NEGR1: variants seen among roughly 807,000 people sequenced by gnomAD.
NEGR1 encodes the protein neuronal growth regulator 1, also known as IgLON family member 4.
Under a neutral mutation model 40.9 loss-of-function variants are expected in NEGR1, and 10 were observed. The observed-to-expected ratio is 0.24, with a 90% CI of 0.15 to 0.42. The LOEUF (loss-of-function observed/expected upper bound fraction) is 0.42. Among genes scored for constraint, NEGR1 ranks in the 10% least tolerant of loss-of-function variants. The pLI is 1.00. For synonymous variants in NEGR1, 185 were observed against 166.8 expected (o/e 1.11, Z -0.84); for missense variants, 352 against 438.9 (o/e 0.80, Z 1.77).
intron 1 of NEGR1, among the ~76,000 whole-genome samples, chr1:72,093,885 G>A (rs6662624): frequency 0.034 from 5,157 of 152,172 alleles, 294 homozygotes; most frequent in African/African-American, 0.12. Flanking sequence ...GAAGATGAAC[G>A]TCTAGCTTCA....
intron 2 of NEGR1, among the ~76,000 whole-genome samples, chr1:71,843,370 T>A (rs541435390): frequency 6.6e-6 from 1 of 152,248 alleles, no homozygotes; most frequent in South Asian, 2.1e-4. Context: ...CTGGGTCAAT[T>A]TAAAATAAGT....
intron 4 of NEGR1, among the ~76,000 whole-genome samples, chr1:71,684,724 C>T (rs1236364604): frequency 6.6e-6 from 1 of 152,154 alleles, no homozygotes; most frequent in Non-Finnish European, 1.5e-5. Context: ...CTGCTTGGTG[C>T]TTTCCTTGTT....
At chr1:71,627,613 T>C (rs1233697796) in intron 4 of NEGR1, among the ~76,000 whole-genome samples, 1 of 152,016 alleles carries the variant, frequency 6.6e-6, no homozygotes, top group African/African-American at 2.4e-5. Context: ...TGCCCATTAG[T>C]CAAAGCAGCC....
chr1:71,662,933 T>A (rs1557604151), intron 4 of NEGR1, among the ~76,000 whole-genome samples: 1 of 151,838 alleles, frequency 6.6e-6, no homozygotes, highest in Non-Finnish European at 1.5e-5. Flanking sequence ...TAATTACTTC[T>A]ACCAGTTTTG....
chr1:71,575,549 C>T (rs1225556349), intron 6 of NEGR1, among the ~76,000 whole-genome samples: 2 of 152,136 alleles, frequency 1.3e-5, no homozygotes, highest in Admixed American at 6.5e-5. Flanking sequence ...TTTGGGAGGC[C>T]GAGGTGGGTG....
At chr1:72,233,405 A>G (rs1385589451) in intron 1 of NEGR1, among the ~76,000 whole-genome samples, 1 of 152,138 alleles carries the variant, frequency 6.6e-6, no homozygotes, top group Non-Finnish European at 1.5e-5. Flanking sequence ...TCAGGTAGTG[A>G]GCATAGTACA....
chr1:71,988,314 T>C (rs1043070332), intron 1 of NEGR1, among the ~76,000 whole-genome samples: 2 of 151,154 alleles, frequency 1.3e-5, no homozygotes, highest in East Asian at 2.0e-4. Flanking sequence ...CCGAGGCGGG[T>C]GGATTATGAG....
chr1:71,957,629 G>C (rs1227546305), intron 1 of NEGR1, among the ~76,000 whole-genome samples: 1 of 152,088 alleles, frequency 6.6e-6, no homozygotes, highest in Admixed American at 6.6e-5. Context: ...AAATATTTCT[G>C]AATAATCACT....
intron 6 of NEGR1, among the ~76,000 whole-genome samples, chr1:71,471,586 C>T (rs886352477): frequency 2.0e-5 from 3 of 152,016 alleles, no homozygotes; most frequent in Non-Finnish European, 4.4e-5. Context: ...GCAGAAGATG[C>T]AGTAAGCCAC....
intron 2 of NEGR1, among the ~76,000 whole-genome samples, chr1:71,823,776 G>T (rs1658517593): frequency 2.6e-5 from 4 of 152,048 alleles, no homozygotes; most frequent in Admixed American, 2.0e-4. Flanking sequence ...CAGTAGCAAT[G>T]ATAGCAGATT....
intron 1 of NEGR1, among the ~76,000 whole-genome samples, chr1:72,086,768 GTGTTAT>G (rs1396901304): frequency 2.0e-5 from 3 of 151,946 alleles, no homozygotes; most frequent in Non-Finnish European, 4.4e-5. Flanking sequence ...ATATAAGGTC[GTGTTAT>G]ATTTATTATG....
At chr1:71,598,411 A>G (rs1236437656) in intron 5 of NEGR1, among the ~76,000 whole-genome samples, 4 of 152,182 alleles carry the variant, frequency 2.6e-5, no homozygotes, top group Admixed American at 2.6e-4. Flanking sequence ...CTATCTGGAT[A>G]TATCTCTGGA....
intron 3 of NEGR1, among the ~76,000 whole-genome samples, chr1:71,733,164 G>T (rs549537938): frequency 6.6e-6 from 1 of 151,646 alleles, no homozygotes; most frequent in South Asian, 2.1e-4. Context: ...TGATTTTAGC[G>T]TCAGAGATTA....
chr1:72,175,031 T>C (rs1652113956), intron 1 of NEGR1, among the ~76,000 whole-genome samples: 1 of 152,048 alleles, frequency 6.6e-6, no homozygotes, highest in South Asian at 2.1e-4. Context: ...GTTAGTTACA[T>C]ATGTATACAT....
chr1:72,087,028 G>T (rs1049640299), intron 1 of NEGR1, among the ~76,000 whole-genome samples: 4 of 152,080 alleles, frequency 2.6e-5, no homozygotes, highest in African/African-American at 9.7e-5. Context: ...CAATGTGCTG[G>T]ATAAGCTGTG....
At chr1:72,266,118 T>C (rs957815311) in intron 1 of NEGR1, among the ~76,000 whole-genome samples, 2 of 150,892 alleles carry the variant, frequency 1.3e-5, no homozygotes, top group African/African-American at 4.8e-5. Flanking sequence ...TCTGGGAGTA[T>C]GGCAGTTATA....
chr1:71,752,312 C>T (rs1557639151), intron 3 of NEGR1, among the ~76,000 whole-genome samples: 1 of 152,110 alleles, frequency 6.6e-6, no homozygotes, highest in South Asian at 2.1e-4. Flanking sequence ...TGAAAGAAGT[C>T]ATAGATAATA....
intron 1 of NEGR1, among the ~76,000 whole-genome samples, chr1:71,978,489 C>T (rs12080078): frequency 0.018 from 2,773 of 152,020 alleles, 84 homozygotes; most frequent in African/African-American, 0.064. Flanking sequence ...CCTGAAATTG[C>T]TACCTAACAA....
At chr1:71,923,094 A>C (rs1328619693) in intron 2 of NEGR1, among the ~76,000 whole-genome samples, 2 of 152,100 alleles carry the variant, frequency 1.3e-5, no homozygotes, top group Non-Finnish European at 2.9e-5. Context: ...TCATCCATTA[A>C]ATATTTATTT....
Sources: allele counts gnomAD v4.1 joint callset (sites outside exome capture counted in the v4.1 genomes callset), GRCh38; gene constraint gnomAD v4.1.1; transcripts MANE v1.5; gene names NCBI Gene and HGNC (gene_info 2026-07-23, HGNC 2026-07-21).